The following RHOT1 variants were observed in gnomAD, a reference collection of about 807,000 sequenced individuals.
The protein encoded by RHOT1 is mitochondrial Rho GTPase 1.
RHOT1 carries 27 observed loss-of-function variants against 95.3 expected under a neutral mutation model. The observed-to-expected ratio is 0.28, with a 90% CI of 0.21 to 0.39. RHOT1 has a LOEUF of 0.39. Ranked by LOEUF, RHOT1 falls within the 10% of genes least tolerant of loss-of-function variation. The probability of loss-of-function intolerance (pLI) is 1.00; values close to 1 mark genes in which losing one functional copy is unlikely to be tolerated. For missense variants in RHOT1, 578 were observed against 786.7 expected (o/e 0.73, Z 3.17); for synonymous variants, 227 against 263.5 (o/e 0.86, Z 1.34).
intron 1 of RHOT1, among the ~76,000 whole-genome samples, chr17:32,150,165 C>T (rs2032110139): frequency 6.6e-6 from 1 of 152,116 alleles, no homozygotes; most frequent in Admixed American, 6.5e-5. Context: ...GAACAAAAAG[C>T]CCTAGTTTAG....
intron 1 of RHOT1, chr17:32,159,591 G>C (rs1037582299): frequency 2.6e-5 from 4 of 152,828 alleles, no homozygotes; most frequent in African/African-American, 9.7e-5. Flanking sequence ...CCTGCTCCTG[G>C]TGCCCGTTCT....
intron 1 of RHOT1, among the ~76,000 whole-genome samples, chr17:32,153,052 T>C (rs1361936366): frequency 1.3e-5 from 2 of 152,238 alleles, no homozygotes; most frequent in Non-Finnish European, 2.9e-5. Context: ...TGTGCCTGCC[T>C]CAGCCTCCCA....
intron 1 of RHOT1, among the ~76,000 whole-genome samples, chr17:32,158,856 A>ACAATT (rs1228529050): frequency 6.6e-6 from 1 of 152,190 alleles, no homozygotes; most frequent in Non-Finnish European, 1.5e-5. Context: ...TGAGTGTCAT[A>ACAATT]CAATTCAATT....
intron 1 of RHOT1, among the ~76,000 whole-genome samples, chr17:32,163,739 G>A (rs1202642872): frequency 3.8e-4 from 57 of 149,670 alleles, no homozygotes; most frequent in African/African-American, 1.3e-3. Flanking sequence ...CAAAAAAAAA[G>A]AAAGGGAAAA....
At chr17:32,189,796 G>T (rs866545970) in intron 8 of RHOT1, among the ~76,000 whole-genome samples, 14 of 138,856 alleles carry the variant, frequency 1.0e-4, no homozygotes, top group African/African-American at 3.4e-4. Context: ...GCAATGGCAC[G>T]ATCTCAGCTC....
At chr17:32,195,053 C>T (rs2036773231) in intron 11 of RHOT1, among the ~76,000 whole-genome samples, 1 of 151,738 alleles carries the variant, frequency 6.6e-6, no homozygotes, top group Non-Finnish European at 1.5e-5. Flanking sequence ...TCTCGATCTC[C>T]TGACCTCGTG....
intron 1 of RHOT1, chr17:32,143,095 A>G: frequency 8.3e-6 from 5 of 602,622 alleles, no homozygotes; most frequent in South Asian, 7.6e-5. Flanking sequence ...ACAGTTTCCC[A>G]GGCCGCCTCC....
chr17:32,188,689 C>T (rs958108162), intron 8 of RHOT1, among the ~76,000 whole-genome samples: 1 of 152,130 alleles, frequency 6.6e-6, no homozygotes, highest in African/African-American at 2.4e-5. Flanking sequence ...CAAAACTGTA[C>T]TCAGTTATAT....
At chr17:32,193,639 G>A (rs2036658942) in intron 10 of RHOT1, among the ~76,000 whole-genome samples, 1 of 152,102 alleles carries the variant, frequency 6.6e-6, no homozygotes, top group Non-Finnish European at 1.5e-5. Context: ...TATTATAGAG[G>A]CACAGTGAAG....
chr17:32,149,130 G>A (rs1013558443), intron 1 of RHOT1, among the ~76,000 whole-genome samples: 33 of 152,070 alleles, frequency 2.2e-4, no homozygotes, highest in Admixed American at 1.4e-3. Context: ...ACCATTAGTC[G>A]GTTGGCTAAT....
intron 19 of RHOT1, among the ~76,000 whole-genome samples, chr17:32,216,362 G>A (rs1180426674): frequency 6.6e-6 from 1 of 151,930 alleles, no homozygotes; most frequent in African/African-American, 2.4e-5. Flanking sequence ...TTCTTTGGGC[G>A]TGATTTCCTT....
intron 1 of RHOT1, among the ~76,000 whole-genome samples, chr17:32,158,807 G>T (rs2033239100): frequency 6.6e-6 from 1 of 152,134 alleles, no homozygotes; most frequent in Non-Finnish European, 1.5e-5. Flanking sequence ...CAGAGCTCAC[G>T]TACCCTCTGA....
chr17:32,178,709 G>A (rs562882903), intron 6 of RHOT1, among the ~76,000 whole-genome samples: 6 of 148,800 alleles, frequency 4.0e-5, no homozygotes, highest in Non-Finnish European at 5.9e-5. Context: ...TGTGAGGAGC[G>A]CCTCTGCCCA....
chr17:32,170,661 G>A (rs969698665), intron 1 of RHOT1, among the ~76,000 whole-genome samples: 1 of 152,130 alleles, frequency 6.6e-6, no homozygotes, highest in African/African-American at 2.4e-5. Flanking sequence ...GAGTTTTTAT[G>A]TACTGACATG....
At position 32,202,914 on chromosome 17, in the gene RHOT1, T is replaced by C; in HGVS notation, c.1332+14T>C. Reference sequence around the variant, plus strand: ...AGAAACTTAATGGTGAGAGTTCTCGTAAAATACAATTTTATCCAACAAATT... The same window carrying C: ...AGAAACTTAATGGTGAGAGTTCTCGCAAAATACAATTTTATCCAACAAATT... On this transcript the variant is annotated intron_variant, in intron 15 of 19. Transcript: ENST00000545287. 1 of 1,604,108 alleles carries C rather than the reference T, an allele frequency of 6.2e-7. No homozygotes were observed. The highest frequency in any genetic ancestry group is 8.5e-7 in the Non-Finnish European group (1 of 1,177,574).
intron 19 of RHOT1, among the ~76,000 whole-genome samples, chr17:32,217,538 C>T (rs534570559): frequency 3.9e-5 from 6 of 152,106 alleles, no homozygotes; most frequent in Admixed American, 6.6e-5. Flanking sequence ...GGGCAGATCA[C>T]GAGGTCAAGA....
rs1253731390 is a variant in RHOT1, at chr17:32,225,548, T to C, written c.*815T>C. Reference sequence around the variant, plus strand: ...CATTCTATAATGGCTGTGTCTGTTATAGTATATTACAGTAACTGCATGTGT... The same window carrying C: ...CATTCTATAATGGCTGTGTCTGTTACAGTATATTACAGTAACTGCATGTGT... On this transcript the variant is annotated 3_prime_UTR_variant, in exon 20 of 20. Coordinates refer to ENST00000545287, the MANE Select transcript of RHOT1 (RefSeq NM_001033566.3). 6.5e-6 allele frequency: 1 copy of C among 152,680 alleles called. No individual in the cohort carries two copies. Among genetic ancestry groups the C allele is most frequent in the Non-Finnish European group, 1.5e-5 (1 of 68,054 alleles). 9.5% of individuals were successfully genotyped at this position (152,680 alleles called of 1,614,324 possible).
intron 8 of RHOT1, among the ~76,000 whole-genome samples, chr17:32,189,285 C>CCT (rs2036286429): frequency 6.6e-6 from 1 of 151,888 alleles, no homozygotes; most frequent in Non-Finnish European, 1.5e-5. Flanking sequence ...GGCGACAGAG[C>CCT]GAGGAGACCC....
chr17:32,190,477 ATTGT>A (rs2036408193), intron 8 of RHOT1, among the ~76,000 whole-genome samples: 1 of 152,126 alleles, frequency 6.6e-6, no homozygotes, highest in Non-Finnish European at 1.5e-5. Flanking sequence ...AGAAAAGTGC[ATTGT>A]TTATTTTTCT....
Sources: allele counts gnomAD v4.1 joint callset (sites outside exome capture counted in the v4.1 genomes callset), GRCh38; gene constraint gnomAD v4.1.1; transcripts MANE v1.5; gene names NCBI Gene and HGNC (gene_info 2026-07-23, HGNC 2026-07-21).